The following PYY variants were observed in gnomAD, a reference collection of about 807,000 sequenced individuals.
PYY encodes peptide tyrosine tyrosine.
In PYY, 12 loss-of-function variants were observed where a neutral mutation model predicts 10.3. The ratio of observed to expected loss-of-function variants is 1.17; its 90% CI spans 0.75 to 1.89. The LOEUF (loss-of-function observed/expected upper bound fraction) is 1.89, where lower values mean the gene tolerates loss of function less well. Ranked by LOEUF, PYY falls within the 40% of genes most tolerant of loss-of-function variation. PYY has a pLI of 0.00. For synonymous variants in PYY, 66 were observed against 62.0 expected, an observed-to-expected ratio of 1.06 and a Z score of -0.30; for missense variants, 141 against 134.0, an observed-to-expected ratio of 1.05 and a Z score of -0.26.
intron 1 of PYY, among the ~76,000 whole-genome samples, chr17:44,002,947 A>G (rs930357377): frequency 6.6e-6 from 1 of 152,238 alleles, no homozygotes; most frequent in Non-Finnish European, 1.5e-5. Context: ...CATGTTACCA[A>G]GAAAGCAGGC....
chr17:43,995,649 C>A (rs1050211172), intron 1 of PYY, among the ~76,000 whole-genome samples: 17 of 151,066 alleles, frequency 1.1e-4, no homozygotes. Flanking sequence ...GCCTGACCAA[C>A]ATGGTGAAAC....
chr17:43,976,418 CATATACATATATACACAT>C (rs1315285983), intron 1 of PYY, among the ~76,000 whole-genome samples: 3 of 56,472 alleles, frequency 5.3e-5, no homozygotes, highest in East Asian at 7.9e-3. Context: ...TTCATGTATA[CATATACATATATACACAT>C]ATACATGTAT....
At chr17:43,971,699 G>A (rs942527607) in intron 1 of PYY, among the ~76,000 whole-genome samples, 4 of 150,270 alleles carry the variant, frequency 2.7e-5, no homozygotes, top group South Asian at 2.1e-4. Flanking sequence ...TTTTTAAGTG[G>A]GTTGTTGGTT....
At chr17:44,002,430 C>G (rs2049034769) in intron 1 of PYY, among the ~76,000 whole-genome samples, 1 of 152,126 alleles carries the variant, frequency 6.6e-6, no homozygotes. Flanking sequence ...CTGGCCATGC[C>G]ACTGACGAGC....
At chr17:43,960,362 G>A (rs1250105387) in intron 2 of PYY, among the ~76,000 whole-genome samples, 1 of 151,528 alleles carries the variant, frequency 6.6e-6, no homozygotes. Context: ...GGCCAACATG[G>A]TGAAACCCCA....
chr17:43,984,332 C>T (rs776940021), intron 1 of PYY, among the ~76,000 whole-genome samples: 1 of 152,202 alleles, frequency 6.6e-6, no homozygotes, highest in African/African-American at 2.4e-5. Flanking sequence ...ACCTCTTGAC[C>T]TGGATTCACA....
rs1418054942 is a variant in PYY, at chr17:43,976,121, G to A, written c.-462-9589C>T. Among the ~76,000 whole-genome samples, 2 of 111,246 alleles carry A rather than the reference G, an allele frequency of 1.8e-5. 1 individual carries two copies. Among genetic ancestry groups the A allele is most frequent in the South Asian group, 6.6e-4 (2 of 3,046 alleles). The allele number at this position is 111,246 out of a possible 152,430, so 73.0% of individuals were successfully genotyped here. ...CATATATACGTGTATACATGTATAC[G>A]TATATATGTATACATATATGTATAT... On this transcript the variant is annotated intron_variant, in intron 1 of 6. Transcript: ENST00000360085.
chr17:43,999,768 CA>C (rs199527024), intron 1 of PYY, among the ~76,000 whole-genome samples: 14,191 of 129,132 alleles, frequency 0.11, 1,705 homozygotes, highest in East Asian at 0.61. Flanking sequence ...AACTCCGTCT[CA>C]AAAAAAAAAA....
At chr17:44,004,110 G>C (rs887782948) in intron 1 of PYY, among the ~76,000 whole-genome samples, 1 of 152,126 alleles carries the variant, frequency 6.6e-6, no homozygotes, top group Non-Finnish European at 1.5e-5. Context: ...GGATATCACA[G>C]AATTCCTCAA....
At chr17:43,983,972 G>C (rs917189127) in intron 1 of PYY, among the ~76,000 whole-genome samples, 1 of 152,206 alleles carries the variant, frequency 6.6e-6, no homozygotes, top group Non-Finnish European at 1.5e-5. Flanking sequence ...CAGCGGTCGC[G>C]CGCTTATCTC....
chr17:43,974,179 G>A (rs533603513), intron 1 of PYY, among the ~76,000 whole-genome samples: 1 of 152,100 alleles, frequency 6.6e-6, no homozygotes, highest in East Asian at 1.9e-4. Context: ...GATAAAGGTT[G>A]TTTACCCTTA....
In PYY at chr17:43,965,048, T is replaced by C. The variant is rs147744133; in HGVS notation, c.-218+1240A>G. 3.0e-3 allele frequency among the ~76,000 whole-genome samples: 456 copies of C among 152,350 alleles called. 1 individual carries two copies. The highest frequency in any genetic ancestry group is 4.9e-3 in the Non-Finnish European group (336 of 68,036). On this transcript the variant is annotated intron_variant, in intron 2 of 6. Coordinates refer to the PYY transcript ENST00000360085. ...CCTGACTTTGATTTGGAAATCTCTG[T>C]TTACAGAAAAGGGCTAGAAACAATG...
At chr17:43,991,162 GC>G (rs2048954758) in intron 1 of PYY, among the ~76,000 whole-genome samples, 2 of 152,116 alleles carry the variant, frequency 1.3e-5, no homozygotes, top group South Asian at 4.1e-4. Flanking sequence ...AGGCACAGTG[GC>G]TCATGCCTGT....
rs534973026 is a variant in PYY at position 43,963,282 on chromosome 17, C to T, written c.-218+3006G>A. ...CAGCACTTTGGGAGGCTGAGGCAGG[C>T]GGATCACTTGAAGTCAGGAGTTCTA... On this transcript the variant is annotated intron_variant, in intron 2 of 6. Coordinates refer to the PYY transcript ENST00000360085. 2.6e-3 allele frequency among the ~76,000 whole-genome samples: 393 copies of T among 151,892 alleles called. 3 individuals carry two copies. The highest frequency in any genetic ancestry group is 4.1e-3 in the Non-Finnish European group (276 of 67,932).
intron 1 of PYY, among the ~76,000 whole-genome samples, chr17:44,003,888 A>T (rs1361607349): frequency 2.0e-5 from 3 of 150,750 alleles, no homozygotes; most frequent in Non-Finnish European, 1.5e-5. Context: ...TACTAGGGAG[A>T]CTGAGGCAGG....
chr17:43,959,386 A>T (rs929109120), intron 2 of PYY, among the ~76,000 whole-genome samples: 4 of 152,250 alleles, frequency 2.6e-5, no homozygotes, highest in South Asian at 2.1e-4. Context: ...AAGAATTTTT[A>T]AAAACCAATA....
chr17:43,979,118 A>G (rs2048867255), intron 1 of PYY, among the ~76,000 whole-genome samples: 1 of 152,120 alleles, frequency 6.6e-6, no homozygotes, highest in Admixed American at 6.6e-5. Context: ...TACACGAGGG[A>G]AAAAAACTTG....
chr17:43,958,692 T>C (rs2048692283), upstream of PYY, among the ~76,000 whole-genome samples: 1 of 152,156 alleles, frequency 6.6e-6, no homozygotes, highest in Non-Finnish European at 1.5e-5. Flanking sequence ...TAAAAGGCAT[T>C]TTAACCCATA....
chr17:43,975,896 GTC>G, intron 1 of PYY, among the ~76,000 whole-genome samples: 2 of 3,878 alleles, frequency 5.2e-4, no homozygotes, highest in Non-Finnish European at 1.7e-3. Flanking sequence ...ACATACACGT[GTC>G]TACGTACGTG....
Sources: allele counts gnomAD v4.1 joint callset (sites outside exome capture counted in the v4.1 genomes callset), GRCh38; gene constraint gnomAD v4.1.1; transcripts MANE v1.5; gene names NCBI Gene and HGNC (gene_info 2026-07-23, HGNC 2026-07-21).